Variants in CSMD2 observed in about 807,000 individuals in gnomAD.
CSMD2 encodes the protein CUB and sushi domain-containing protein 2.
In CSMD2, 130 loss-of-function variants were observed where a neutral mutation model predicts 398.5. The ratio of observed to expected loss-of-function variants is 0.33; its 90% confidence interval spans 0.28 to 0.38. The LOEUF is 0.38. CSMD2 is among the 10% of genes least tolerant of loss of function. The probability of loss-of-function intolerance (pLI) is 1.00; values close to 1 mark genes in which losing one functional copy is unlikely to be tolerated. For synonymous variants in CSMD2, 1,828 were observed against 1,908.5 expected, an observed-to-expected ratio of 0.96 and a Z score of 1.10; for missense variants, 3,829 against 4,764.9, an observed-to-expected ratio of 0.80 and a Z score of 5.78.
At chr1:33,949,419 T>C (rs1283455159) in intron 3 of CSMD2, among the ~76,000 whole-genome samples, 1 of 152,190 alleles carries the variant, frequency 6.6e-6, no homozygotes, top group Non-Finnish European at 1.5e-5. Flanking sequence ...CCCTTAGACC[T>C]ACACTGCTCT....
intron 3 of CSMD2, among the ~76,000 whole-genome samples, chr1:34,004,848 T>C (rs473744): frequency 0.025 from 3,812 of 152,256 alleles, 158 homozygotes; most frequent in African/African-American, 0.085. Context: ...AGGAGCTTGA[T>C]GTTGTTCTGA....
At chr1:33,928,854 A>G (rs147689695) in intron 4 of CSMD2, among the ~76,000 whole-genome samples, 2 of 152,176 alleles carry the variant, frequency 1.3e-5, no homozygotes, top group South Asian at 2.1e-4. Context: ...AATTTGATCA[A>G]CACAATGGTG....
chr1:34,151,954 G>A (rs991729554), intron 1 of CSMD2, among the ~76,000 whole-genome samples: 8 of 151,610 alleles, frequency 5.3e-5, no homozygotes, highest in Admixed American at 3.3e-4. Context: ...GCCATCCCCC[G>A]GCCTCAGCCT....
chr1:33,534,109 C>T (rs1329531092), intron 62 of CSMD2, among the ~76,000 whole-genome samples: 2 of 152,254 alleles, frequency 1.3e-5, no homozygotes, highest in Admixed American at 1.3e-4. Context: ...CATCTAATAC[C>T]CTGAACAAAG....
intron 5 of CSMD2, among the ~76,000 whole-genome samples, chr1:33,890,818 G>A (rs1327744905): frequency 6.6e-6 from 1 of 151,972 alleles, no homozygotes; most frequent in Admixed American, 6.5e-5. Flanking sequence ...TTTAATAAAT[G>A]GTACTGGGAA....
Position 33,742,580 on chromosome 1 carries a change from C to CGCA in CSMD2, c.2173+699_2173+700insTGC, listed in dbSNP as rs60545889. 1.2e-4 allele frequency among the ~76,000 whole-genome samples: 13 copies of CGCA among 111,172 alleles called. No individual in the cohort carries two copies. In the South Asian group the frequency reaches 3.9e-3, roughly 33 times the overall value. The allele number at this position is 111,172 out of a possible 152,430, so 72.9% of individuals were successfully genotyped here. A position where few individuals can be genotyped will look rare whatever the true frequency, so the allele number is the denominator to read the frequency against. ...TATTTCTAGTCACCAAGCTTCTGCC[C>CGCA]CCCCCCCCCCAACCCCCTCTGTAAC... On this transcript the variant is annotated intron_variant, in intron 14 of 70. Transcript: ENST00000373381.
chr1:33,830,243 TA>T (rs1379110323), intron 6 of CSMD2, among the ~76,000 whole-genome samples: 1 of 152,204 alleles, frequency 6.6e-6, no homozygotes, highest in Non-Finnish European at 1.5e-5. Flanking sequence ...CCGAGCAGCC[TA>T]ACTGGGAGGC....
At chr1:33,611,536 A>G (rs1274497443) in intron 40 of CSMD2, among the ~76,000 whole-genome samples, 3 of 152,234 alleles carry the variant, frequency 2.0e-5, no homozygotes, top group Non-Finnish European at 2.9e-5. Context: ...TTCAGGGTCA[A>G]CACTTGTTTA....
chr1:33,858,589 T>C (rs1161728646), intron 5 of CSMD2, among the ~76,000 whole-genome samples: 1 of 152,226 alleles, frequency 6.6e-6, no homozygotes, highest in Non-Finnish European at 1.5e-5. Context: ...TATTAAAATA[T>C]TGTGCTCACA....
At position 34,063,478 on chromosome 1, in the gene CSMD2, C is replaced by G. The variant is rs967411879; in HGVS notation, c.404+25499G>C. The stretch of plus-strand genomic sequence containing the variant: ...AAACAAAAGGGTTACAGGGCCCATG[C>G]AAGTCCGAAATCCAGATGGGGCAGT... On this transcript the variant is annotated intron_variant, in intron 2 of 70. Transcript: ENST00000373381. Among the ~76,000 whole-genome samples the G allele has an allele frequency of 2.0e-5, 3 of 152,174 alleles. No individual in the cohort carries two copies. The East Asian group carries it at 5.8e-4, about 29-fold the overall frequency.
At chr1:33,873,240 AT>A (rs539376011) in intron 5 of CSMD2, among the ~76,000 whole-genome samples, 340 of 152,266 alleles carry the variant, frequency 2.2e-3, no homozygotes, top group Non-Finnish European at 4.1e-3. Flanking sequence ...GGGAAGGATG[AT>A]TGCATTTTGT....
chr1:33,945,726 G>A (rs1003096407), intron 3 of CSMD2, among the ~76,000 whole-genome samples: 9 of 152,154 alleles, frequency 5.9e-5, no homozygotes, highest in Admixed American at 1.3e-4. Flanking sequence ...CTTGGAGGAA[G>A]AGCATTAGGC....
At chr1:34,017,232 G>A (rs1234684421) in intron 3 of CSMD2, among the ~76,000 whole-genome samples, 1 of 152,172 alleles carries the variant, frequency 6.6e-6, no homozygotes, top group Non-Finnish European at 1.5e-5. Flanking sequence ...ACAACTTCTT[G>A]ATTCTTGGCT....
At chr1:33,530,053 C>T (rs889720758) in intron 64 of CSMD2, among the ~76,000 whole-genome samples, 1 of 152,066 alleles carries the variant, frequency 6.6e-6, no homozygotes, top group Non-Finnish European at 1.5e-5. Context: ...CATTTTTGCA[C>T]AATGATACAG....
At chr1:33,794,227 G>A (rs1654678653) in intron 10 of CSMD2, among the ~76,000 whole-genome samples, 1 of 152,206 alleles carries the variant, frequency 6.6e-6, no homozygotes, top group Admixed American at 6.5e-5. Flanking sequence ...ATAAGCCTGG[G>A]TAGTGTCTAT....
intron 14 of CSMD2, among the ~76,000 whole-genome samples, chr1:33,740,142 ATGGTAAG>A (rs1647009561): frequency 6.6e-6 from 1 of 152,212 alleles, no homozygotes; most frequent in African/African-American, 2.4e-5. Flanking sequence ...CACGTGACAG[ATGGTAAG>A]TGCTCACTGA....
At chr1:33,675,143 C>A (rs1212737863) in intron 25 of CSMD2, among the ~76,000 whole-genome samples, 1 of 152,102 alleles carries the variant, frequency 6.6e-6, no homozygotes, top group African/African-American at 2.4e-5. Context: ...ACACAAAAAA[C>A]CCTTCAAAAA....
At chr1:33,753,332 C>T (rs1307742253) in intron 13 of CSMD2, among the ~76,000 whole-genome samples, 5 of 152,190 alleles carry the variant, frequency 3.3e-5, no homozygotes, top group East Asian at 3.9e-4. Context: ...CTCAGAACAT[C>T]GCTCCCTGCA....
chr1:33,574,388 T>G (rs1299769498), intron 49 of CSMD2, among the ~76,000 whole-genome samples: 1 of 152,212 alleles, frequency 6.6e-6, no homozygotes, highest in Non-Finnish European at 1.5e-5. Context: ...CTGTTTGGTC[T>G]TTGAAAGAAA....
Sources: gnomAD v4.1 joint callset for allele counts (sites outside exome capture counted in the v4.1 genomes callset) on GRCh38, gnomAD v4.1.1 for gene constraint, MANE v1.5 for transcripts, NCBI Gene and HGNC (gene_info 2026-07-23, HGNC 2026-07-21) for gene names.